The following VPS13B variants were observed in gnomAD, a reference collection of about 807,000 sequenced individuals.
VPS13B encodes intermembrane lipid transfer protein VPS13B.
VPS13B carries 285 observed loss-of-function variants against 426.4 expected under a neutral mutation model. The ratio of observed to expected loss-of-function variants is 0.67; its 90% confidence interval spans 0.61 to 0.74. The LOEUF (loss-of-function observed/expected upper bound fraction) is 0.74. VPS13B is among the 30% of genes least tolerant of loss of function. The pLI is 0.00. For missense variants in VPS13B, 4,537 were observed against 4,782.6 expected (o/e 0.95, Z 1.51); for synonymous variants, 1,676 against 1,676.4 (o/e 1.00, Z 0.01).
At chr8:99,584,407 G>A (rs78430040) in intron 33 of VPS13B, among the ~76,000 whole-genome samples, 4,984 of 152,218 alleles carry the variant, frequency 0.033, 101 homozygotes, top group East Asian at 0.056. Context: ...AGATTTCTTT[G>A]CCAGAAATCC....
intron 39 of VPS13B, among the ~76,000 whole-genome samples, chr8:99,760,877 G>T (rs554608287): frequency 6.6e-6 from 1 of 152,224 alleles, no homozygotes; most frequent in South Asian, 2.1e-4. Flanking sequence ...ATTGTATTAG[G>T]TATCATGAGG....
Position 99,875,440 on chromosome 8 carries a change from T to TGG in VPS13B, c.11769_11770insGG (p.Ser3924GlyfsTer65). ...TAGGTAGATGGAGTCCGAGAGAGACTGTCAGAGCAACAGTACAACAGACTG... is the reference window on the plus strand; with the variant it reads ...TAGGTAGATGGAGTCCGAGAGAGACTGGGTCAGAGCAACAGTACAACAGACTG... On this transcript the variant is annotated frameshift_variant, in exon 62 of 62. Coordinates refer to ENST00000357162, the MANE Select transcript of VPS13B (RefSeq NM_152564.5). LOFTEE classifies it high-confidence loss of function. 1 of 1,614,226 alleles carries TGG rather than the reference T, an allele frequency of 6.2e-7. No individual in the cohort carries two copies. The highest frequency in any genetic ancestry group is 8.5e-7 in the Non-Finnish European group (1 of 1,180,034).
intron 33 of VPS13B, among the ~76,000 whole-genome samples, chr8:99,581,673 T>C (rs1042327647): frequency 6.6e-6 from 1 of 152,202 alleles, no homozygotes; most frequent in African/African-American, 2.4e-5. Flanking sequence ...TCCCTGAGCA[T>C]TTTCTTTGAG....
chr8:99,153,126 C>T (rs1811163583), intron 14 of VPS13B, among the ~76,000 whole-genome samples: 1 of 152,164 alleles, frequency 6.6e-6, no homozygotes, highest in Admixed American at 6.5e-5. Context: ...GCAATGATCA[C>T]ACCACTTGCA....
chr8:99,352,780 T>C (rs998735614), intron 19 of VPS13B, among the ~76,000 whole-genome samples: 1 of 151,020 alleles, frequency 6.6e-6, no homozygotes, highest in Non-Finnish European at 1.5e-5. Flanking sequence ...GCCAGGATCG[T>C]GCCATTGCAC....
chr8:99,429,756 A>G (rs1470494589), intron 21 of VPS13B: 4 of 152,192 alleles, frequency 2.6e-5, no homozygotes, highest in African/African-American at 9.7e-5. Context: ...TCAACACTGG[A>G]TACATGTAGT....
rs1817365435 is a variant in VPS13B at position 99,870,790 on chromosome 8, T to C, written c.11398T>C (p.Leu3800=). 3.1e-6 allele frequency: 5 copies of C among 1,614,066 alleles called. No individual in the cohort carries two copies. Among genetic ancestry groups the C allele is most frequent in the Non-Finnish European group, 4.2e-6 (5 of 1,180,000 alleles). The change falls in exon 60 of 62, where the codon TTA becomes CTA. Residue 3800 remains leucine (L), a synonymous_variant. Coordinates refer to ENST00000357162, the MANE Select transcript of VPS13B (RefSeq NM_152564.5). ...ELVSQTGYGI[L]HGAGLSQLPK... The stretch of plus-strand genomic sequence containing the variant: ...CCTTACTTCTCTTACCACAGGTATT[T>C]TACATGGAGCTGGACTTTCTCAGCT...
At chr8:99,114,647 T>A (rs1259500421) in intron 6 of VPS13B, among the ~76,000 whole-genome samples, 1 of 152,236 alleles carries the variant, frequency 6.6e-6, no homozygotes, top group African/African-American at 2.4e-5. Context: ...CATTGTTTAT[T>A]CAGTGTATGA....
intron 39 of VPS13B, among the ~76,000 whole-genome samples, chr8:99,726,152 C>A (rs984840968): frequency 1.3e-5 from 2 of 152,076 alleles, no homozygotes; most frequent in Non-Finnish European, 2.9e-5. Context: ...AAAAACATGT[C>A]TATAATAATA....
intron 21 of VPS13B, among the ~76,000 whole-genome samples, chr8:99,412,597 C>T (rs1441457366): frequency 6.6e-6 from 1 of 152,144 alleles, no homozygotes; most frequent in African/African-American, 2.4e-5. Flanking sequence ...GCCAAAACTT[C>T]CAATACTATG....
In VPS13B at chr8:99,737,243, C is replaced by A. The variant is rs898499033; in HGVS notation, c.7050+16196C>A. ...TCATGCCATTCTCCTGCCTCAGCCT[C>A]CCAAGTAGCTGGGATTACAGGTGCC... On this transcript the variant is annotated intron_variant, in intron 39 of 61. Transcript: ENST00000357162. 1.6e-4 allele frequency among the ~76,000 whole-genome samples: 24 copies of A among 149,684 alleles called. No homozygotes were observed. The East Asian group carries it at 2.6e-3, about 16-fold the overall frequency.
At chr8:99,817,396 T>C in intron 44 of VPS13B, 144 bp from the exon 45 acceptor site, 1 of 1,129,682 alleles carries the variant, frequency 8.9e-7, no homozygotes, top group Non-Finnish European at 1.2e-6. Context: ...ACTTCAAGTC[T>C]TTTTTCCTTC....
intron 17 of VPS13B, among the ~76,000 whole-genome samples, chr8:99,262,469 C>T (rs4486173): frequency 0.01 from 1,531 of 152,142 alleles, 35 homozygotes; most frequent in African/African-American, 0.035. Flanking sequence ...TCTTGGTACA[C>T]CTGTCTTATT....
intron 41 of VPS13B, 95 bp from the exon 42 acceptor site, chr8:99,778,587 C>G: frequency 8.9e-7 from 1 of 1,125,366 alleles, no homozygotes; most frequent in Non-Finnish European, 1.3e-6. Flanking sequence ...TTTCAATAAT[C>G]AAAAAGTGAA....
chr8:99,054,025 GC>G (rs1287561200), intron 3 of VPS13B, among the ~76,000 whole-genome samples: 7 of 152,084 alleles, frequency 4.6e-5, no homozygotes, highest in African/African-American at 1.4e-4. Flanking sequence ...TTTTTCTAGG[GC>G]TGAATAATAT....
At chr8:99,306,440 A>T (rs944659099) in intron 19 of VPS13B, among the ~76,000 whole-genome samples, 1 of 152,054 alleles carries the variant, frequency 6.6e-6, no homozygotes, top group African/African-American at 2.4e-5. Flanking sequence ...GTGCATTCCC[A>T]TTAGAAGTTG....
At chr8:99,656,453 T>C (rs1011382331) in intron 34 of VPS13B, among the ~76,000 whole-genome samples, 2 of 152,236 alleles carry the variant, frequency 1.3e-5, no homozygotes, top group African/African-American at 4.8e-5. Flanking sequence ...GAAATAGTTA[T>C]CTGTTTGTCA....
intron 8 of VPS13B, among the ~76,000 whole-genome samples, chr8:99,123,122 C>CAAAAAAAAAAAAAAAA: frequency 1.6e-5 from 1 of 61,434 alleles, no homozygotes; most frequent in Non-Finnish European, 3.0e-5. Flanking sequence ...ACTCTGTCTC[C>CAAAAAAAAAAAAAAAA]AAAAAAAAAA....
intron 61 of VPS13B, among the ~76,000 whole-genome samples, chr8:99,874,025 T>G (rs1030150375): frequency 2.0e-5 from 3 of 152,236 alleles, no homozygotes; most frequent in African/African-American, 7.2e-5. Flanking sequence ...ATGGCAGGAT[T>G]GAGATTTATT....
Sources: allele counts gnomAD v4.1 joint callset (sites outside exome capture counted in the v4.1 genomes callset), GRCh38; gene constraint gnomAD v4.1.1; transcripts MANE v1.5; gene names NCBI Gene and HGNC (gene_info 2026-07-23, HGNC 2026-07-21).